Variants in PLAGL1 observed in about 807,000 individuals in gnomAD.
PLAGL1 encodes the protein zinc finger protein PLAGL1.
Under a neutral mutation model 4.6 loss-of-function variants are expected in PLAGL1, and 1 was observed. The observed-to-expected ratio is 0.22, with a 90% CI of 0.08 to 1.03. The LOEUF is 1.03. Among genes scored for constraint, PLAGL1 ranks in the 50% least tolerant of loss-of-function variants. The pLI is 0.58. For missense variants in PLAGL1, 464 were observed against 570.4 expected (o/e 0.81, Z 1.90); for synonymous variants, 240 against 237.8 (o/e 1.01, Z -0.08).
Position 144,039,913 on chromosome 6 carries a change from G to A in PLAGL1, c.-151+24555C>T, listed in dbSNP as rs1692514707. Among the ~76,000 whole-genome samples the A allele has an allele frequency of 6.6e-6, 1 of 152,144 alleles. No homozygotes were observed. Among genetic ancestry groups the A allele is most frequent in the Non-Finnish European group, 1.5e-5 (1 of 68,022 alleles). On this transcript the variant is annotated intron_variant, in intron 1 of 3. Transcript: ENST00000437412. The surrounding 1 kb of genome is among the most constrained non-coding windows in gnomAD (Gnocchi z 4.1). ...TTGTGGCACATAATGGCATCCTTAT[G>A]CCAATAAAAATGGATGAAATTATAG...
rs1328206656 is a variant in PLAGL1 at position 144,036,075 on chromosome 6, G to T, written c.-151+28393C>A. Among the ~76,000 whole-genome samples, 1 of 152,136 alleles carries T rather than the reference G, an allele frequency of 6.6e-6. No individual in the cohort carries two copies. Among genetic ancestry groups the T allele is most frequent in the Non-Finnish European group, 1.5e-5 (1 of 68,018 alleles). On this transcript the variant is annotated intron_variant, in intron 1 of 3. Coordinates refer to the PLAGL1 transcript ENST00000437412. The surrounding 1 kb of genome is among the most constrained non-coding windows in gnomAD (Gnocchi z 5.1). ...AATGCAGGACTCCAACCCCAAGAAA[G>T]TGCTTCAAGGACACCCCAGGTGGAC...
intron 1 of PLAGL1, among the ~76,000 whole-genome samples, chr6:144,040,226 T>C (rs1016477173): frequency 5.3e-5 from 8 of 152,162 alleles, no homozygotes; most frequent in African/African-American, 1.9e-4. Context: ...CTAGTTAATA[T>C]CTTACTTAAA....
At position 143,964,440 on chromosome 6, in the gene PLAGL1, G is replaced by A. The variant is rs372411911; in HGVS notation, c.-399+347C>T. Among the ~76,000 whole-genome samples the A allele has an allele frequency of 5.7e-4, 87 of 152,288 alleles. 1 individual carries two copies. The South Asian group carries it at 0.017, about 30-fold the overall frequency. On this transcript the variant is annotated intron_variant, in intron 5 of 7. Transcript: ENST00000674357. This position sits in a 1 kb window ranked among gnomAD's most constrained non-coding sequence, Gnocchi z 4.3. ...TTTTCCTCTAGGTTGGCAGAATGGG[G>A]ACTGGAGTCCGTTTTCATTATGGGG...
chr6:144,058,426 A>C (rs1358068372), intron 1 of PLAGL1, among the ~76,000 whole-genome samples: 1 of 152,134 alleles, frequency 6.6e-6, no homozygotes, highest in Non-Finnish European at 1.5e-5. Flanking sequence ...ACGAATTTTC[A>C]AACCACATCA....
In PLAGL1 at chr6:143,971,491, C is replaced by A. The variant is rs1201693011; in HGVS notation, c.-543-2513G>T. 6.6e-6 allele frequency among the ~76,000 whole-genome samples: 1 copy of A among 152,158 alleles called. No individual in the cohort carries two copies. The highest frequency in any genetic ancestry group is 1.5e-5 in the Non-Finnish European group (1 of 68,016). ...TTATGATTTTAAGATGTTATTTTCCCAATAAATGTTGACAACAATTTCCCA... is the reference window on the plus strand; with the variant it reads ...TTATGATTTTAAGATGTTATTTTCCAAATAAATGTTGACAACAATTTCCCA... On this transcript the variant is annotated intron_variant, in intron 2 of 7. Transcript: ENST00000674357. The surrounding 1 kb of genome is among the most constrained non-coding windows in gnomAD (Gnocchi z 4.7).
chr6:144,031,048 T>C (rs1796785932), intron 1 of PLAGL1, among the ~76,000 whole-genome samples: 2 of 152,222 alleles, frequency 1.3e-5, no homozygotes, highest in African/African-American at 4.8e-5. Context: ...TGGCCATTCT[T>C]GCAGAAATGA....
chr6:143,983,835 C>T lies in PLAGL1; in HGVS notation c.-544+1300G>A, dbSNP rs1788476225. 6.6e-6 allele frequency among the ~76,000 whole-genome samples: 1 copy of T among 151,882 alleles called. No homozygotes were observed. The highest frequency in any genetic ancestry group is 2.4e-5 in the African/African-American group (1 of 41,324). ...TCAAGATCATGGAGTGAGAGCAGTT[C>T]TTATTAATGACTAGGCCCACAGTAT... On this transcript the variant is annotated intron_variant, in intron 2 of 7. Transcript: ENST00000674357. The surrounding 1 kb of genome is among the most constrained non-coding windows in gnomAD (Gnocchi z 6.6).
rs906671177 is a variant in PLAGL1 at position 143,994,456 on chromosome 6, G to A, written c.-583-9282C>T. ...TGTGACAAGGTATTACCATTAAAGC[G>A]TATGACACTGATTTTACACTCTGCA... On this transcript the variant is annotated intron_variant, in intron 1 of 7. Transcript: ENST00000674357. This position sits in a 1 kb window ranked among gnomAD's most constrained non-coding sequence, Gnocchi z 4.3. 1.1e-4 allele frequency among the ~76,000 whole-genome samples: 17 copies of A among 152,184 alleles called. No individual in the cohort carries two copies. Among genetic ancestry groups the A allele is most frequent in the Non-Finnish European group, 8.8e-5 (6 of 68,030 alleles).
chr6:144,060,373 T>C (rs1030853927), intron 1 of PLAGL1, among the ~76,000 whole-genome samples: 1 of 152,204 alleles, frequency 6.6e-6, no homozygotes, highest in South Asian at 2.1e-4. Context: ...AGCATTTATA[T>C]TTATTTCACC....
rs1266535124 is a variant in PLAGL1, at chr6:144,006,207, T to C, written c.-584+1883A>G. 3.4e-5 allele frequency: 3 copies of C among 87,608 alleles called. No homozygotes were observed. The East Asian group carries it at 8.6e-4, about 25-fold the overall frequency. The allele number at this position is 87,608 out of a possible 1,614,324, so 5.4% of individuals were successfully genotyped here. On this transcript the variant is annotated intron_variant, in intron 1 of 7. Transcript: ENST00000674357. This position sits in a 1 kb window ranked among gnomAD's most constrained non-coding sequence, Gnocchi z 4.3. ...CCTAGGTACTCCTCCCTGAGCAAGA[T>C]TTTTTTTTTCTAAAAAGAAGCCAGG...
At chr6:144,038,980 A>G (rs1423057709) in intron 1 of PLAGL1, among the ~76,000 whole-genome samples, 2 of 152,224 alleles carry the variant, frequency 1.3e-5, no homozygotes, top group Non-Finnish European at 2.9e-5. Context: ...TTTTACAAAA[A>G]GAAAAGAAAA....
In PLAGL1 at chr6:143,958,848, G is replaced by A. The variant is rs1368924272; in HGVS notation, c.-325+1621C>T. Among the ~76,000 whole-genome samples, 1 of 152,184 alleles carries A rather than the reference G, an allele frequency of 6.6e-6. No individual in the cohort carries two copies. Among genetic ancestry groups the A allele is most frequent in the Non-Finnish European group, 1.5e-5 (1 of 68,026 alleles). ...AAGGGGAAAGGAATGTTAAGGAAAT[G>A]GGGGAGAAAGCTTAAAAAGAGTGGA... is the stretch of plus-strand genomic sequence containing the variant. On this transcript the variant is annotated intron_variant, in intron 6 of 7. Coordinates refer to ENST00000674357, the MANE Select transcript of PLAGL1 (RefSeq NM_001317162.2). This position sits in a 1 kb window ranked among gnomAD's most constrained non-coding sequence, Gnocchi z 5.1.
At chr6:144,011,230 T>C (rs1408886153), upstream of PLAGL1, among the ~76,000 whole-genome samples, 1 of 152,104 alleles carries the variant, frequency 6.6e-6, no homozygotes, top group African/African-American at 2.4e-5. This position sits in a 1 kb window ranked among gnomAD's most constrained non-coding sequence, Gnocchi z 4.3. Context: ...ATATCCAGAA[T>C]CTACAAAGCA....
intron 1 of PLAGL1, among the ~76,000 whole-genome samples, chr6:144,003,433 G>T (rs1280414559): frequency 6.6e-6 from 1 of 152,072 alleles, no homozygotes; most frequent in Non-Finnish European, 1.5e-5. Context: ...GACCATCCTG[G>T]CCAACGCGGT....
rs80072838 is a variant in PLAGL1, at chr6:144,043,643, T to G, written c.-151+20825A>C. On this transcript the variant is annotated intron_variant, in intron 1 of 3. Transcript: ENST00000437412. Reference sequence around the variant, plus strand: ...ATATTGGTCTAAAATTCTCTTTTTTTTTGTTGTGTCTCTGCTAGGCTTTGG... The same window carrying G: ...ATATTGGTCTAAAATTCTCTTTTTTGTTGTTGTGTCTCTGCTAGGCTTTGG... 2.9e-3 allele frequency among the ~76,000 whole-genome samples: 446 copies of G among 152,242 alleles called. 1 individual carries two copies. The highest frequency in any genetic ancestry group is 4.3e-3 in the Non-Finnish European group (290 of 68,014).
chr6:143,947,674 C>T lies in PLAGL1; in HGVS notation c.152+311G>A, dbSNP rs1780075644. ...ATCAGGCAGTGAAGAACAACTTCTA[C>T]CACCTGTATAGCTCTGTCAAAGCAG... On this transcript the variant is annotated intron_variant, in intron 7 of 7. Transcript: ENST00000674357. This position sits in a 1 kb window ranked among gnomAD's most constrained non-coding sequence, Gnocchi z 4.3. Among the ~76,000 whole-genome samples, 1 of 152,210 alleles carries T rather than the reference C, an allele frequency of 6.6e-6. No individual in the cohort carries two copies. The highest frequency in any genetic ancestry group is 1.5e-5 in the Non-Finnish European group (1 of 68,036).
At chr6:144,040,994 T>G (rs1797683454) in intron 1 of PLAGL1, among the ~76,000 whole-genome samples, 1 of 152,152 alleles carries the variant, frequency 6.6e-6, no homozygotes, top group South Asian at 2.1e-4. Context: ...AATATAGTAG[T>G]TAGAAAGGGA....
At position 143,941,432 on chromosome 6, in the gene PLAGL1, A is replaced by C; in HGVS notation, c.1384T>G (p.Phe462Val). 1 of 1,499,894 alleles carries C rather than the reference A, an allele frequency of 6.7e-7. No homozygotes were observed. The highest frequency in any genetic ancestry group is 1.4e-5 in the South Asian group (1 of 71,404). 92.9% of individuals were successfully genotyped at this position (1,499,894 alleles called of 1,614,324 possible). Residue 462 changes from phenylalanine (F) to valine (V), a missense_variant, in exon 8 of 8, where the codon TTC (phenylalanine) becomes GTC (valine). Coordinates refer to ENST00000674357, the MANE Select transcript of PLAGL1 (RefSeq NM_001317162.2). This position sits in a 1 kb window ranked among gnomAD's most constrained non-coding sequence, Gnocchi z 6.0. ...SAILPHFHHA[F>V]R ...TACACTTTAAAAATCAATTATCTGAATGCATGATGGAAATGAGGCAGGATG... is the reference window on the plus strand; with the variant it reads ...TACACTTTAAAAATCAATTATCTGACTGCATGATGGAAATGAGGCAGGATG...
chr6:143,977,292 G>T (rs150194281), intron 2 of PLAGL1, among the ~76,000 whole-genome samples: 1 of 151,856 alleles, frequency 6.6e-6, no homozygotes, highest in East Asian at 1.9e-4. Flanking sequence ...AAGTTTTGCC[G>T]ATCTTTTTAC....
Sources: allele counts gnomAD v4.1 joint callset (sites outside exome capture counted in the v4.1 genomes callset), GRCh38; gene constraint gnomAD v4.1.1; non-coding constraint Gnocchi (gnomAD v3.1); transcripts MANE v1.5; gene names NCBI Gene and HGNC (gene_info 2026-07-23, HGNC 2026-07-21).